CABP5: variants seen among roughly 807,000 people sequenced by gnomAD.
CABP5 encodes the protein calcium-binding protein 5.
A neutral mutation model predicts 21.9 loss-of-function variants in CABP5; 17 were observed. The observed-to-expected ratio is 0.78, with a 90% CI of 0.53 to 1.17. CABP5 has a LOEUF of 1.17. Ranked by LOEUF, CABP5 falls within the 50% of genes most tolerant of loss-of-function variation. The pLI is 0.00. For synonymous variants in CABP5, 85 were observed against 79.4 expected (o/e 1.07, Z -0.37); for missense variants, 229 against 228.9 (o/e 1.00, Z 0.00).
chr19:48,033,144 G>A (rs1967362775), intron 5 of CABP5, among the ~76,000 whole-genome samples: 1 of 151,722 alleles, frequency 6.6e-6, no homozygotes, highest in Non-Finnish European at 1.5e-5. Flanking sequence ...TGGGATTACA[G>A]GCACCTGCCA....
rs1431495023 is a variant in CABP5, at chr19:48,029,826, G to GAC, written c.*730_*731insGT. 322 of 150,892 alleles carry GAC rather than the reference G, an allele frequency of 2.1e-3. 3 individuals carry two copies. Among genetic ancestry groups the GAC allele is most frequent in the African/African-American group, 7.6e-3 (311 of 40,762 alleles). 9.3% of individuals were successfully genotyped at this position (150,892 alleles called of 1,614,324 possible). A position where few individuals can be genotyped will look rare whatever the true frequency, so the allele number is the denominator to read the frequency against. ...AGAGAGAGAGAGAGAGAGAGAGAGAGAGAGAGAGAGAAACCAGACAGTGCT... is the reference window on the plus strand; with the variant it reads ...AGAGAGAGAGAGAGAGAGAGAGAGAGACAGAGAGAGAGAAACCAGACAGTGCT... On this transcript the variant is annotated 3_prime_UTR_variant, in exon 6 of 6. Coordinates refer to ENST00000293255, the MANE Select transcript of CABP5 (RefSeq NM_019855.5).
chr19:48,040,879 A>C, intron 2 of CABP5, 131 bp from the exon 3 acceptor site: 1 of 891,486 alleles, frequency 1.1e-6, no homozygotes, highest in South Asian at 1.9e-5. Context: ...AAAACAAAAC[A>C]AAACAAAAAA....
At position 48,032,927 on chromosome 19, in the gene CABP5, G is replaced by A. The variant is rs971012635; in HGVS notation, c.496+1288C>T. 3.9e-5 allele frequency among the ~76,000 whole-genome samples: 6 copies of A among 152,030 alleles called. No homozygotes were observed. In the South Asian group the frequency reaches 8.3e-4, roughly 21 times the overall value. On this transcript the variant is annotated intron_variant, in intron 5 of 5. Transcript: ENST00000293255. ...ATTACAGGCATGAGCCACTGAGCCC[G>A]GCCAGAATTTTGGATTTTTGTCCAT...
At chr19:48,039,708 T>G (rs1167306793) in intron 3 of CABP5, among the ~76,000 whole-genome samples, 4 of 118,546 alleles carry the variant, frequency 3.4e-5, no homozygotes, top group African/African-American at 1.3e-4. Context: ...AATAGCTTTT[T>G]TTTTTTTTTT....
Position 48,030,629 on chromosome 19 carries a change from G to T in CABP5, c.497-47C>A, listed in dbSNP as rs150989528. On this transcript the variant is annotated intron_variant, in intron 5 of 5. Coordinates refer to ENST00000293255, the MANE Select transcript of CABP5 (RefSeq NM_019855.5). ...CCCAGTAAGGCATCTCGTTGTAAAAGCCCCCAACATTATTTTTTGAGCCCT... is the reference window on the plus strand; with the variant it reads ...CCCAGTAAGGCATCTCGTTGTAAAATCCCCCAACATTATTTTTTGAGCCCT... 1.9e-5 allele frequency: 30 copies of T among 1,593,712 alleles called. No homozygotes were observed. The African/African-American group carries it at 3.7e-4, about 19-fold the overall frequency.
intron 1 of CABP5, among the ~76,000 whole-genome samples, chr19:48,042,437 G>A (rs1967492764): frequency 6.6e-6 from 1 of 152,104 alleles, no homozygotes; most frequent in Non-Finnish European, 1.5e-5. Flanking sequence ...CATATACATG[G>A]CATGTTAACA....
At chr19:48,042,267 A>G (rs1319209740) in intron 1 of CABP5, among the ~76,000 whole-genome samples, 3 of 152,142 alleles carry the variant, frequency 2.0e-5, no homozygotes, top group African/African-American at 7.2e-5. Flanking sequence ...CCTGCCTCCA[A>G]TCTTCCTGCC....
At chr19:48,043,760 G>A in intron 1 of CABP5, 100 bp downstream of exon 1, 1 of 1,014,622 alleles carries the variant, frequency 9.9e-7, no homozygotes, top group South Asian at 2.4e-5. Context: ...CTATCCACCT[G>A]TTCCCCTGGT....
chr19:48,039,161 G>A (rs777720863), intron 4 of CABP5, 47 bp downstream of exon 4: 1 of 1,434,644 alleles, frequency 7.0e-7, no homozygotes, highest in Non-Finnish European at 9.8e-7. Context: ...GCAGACCTCA[G>A]AGGGTCTGCC....
At chr19:48,042,736 G>A (rs1426108504) in intron 1 of CABP5, among the ~76,000 whole-genome samples, 1 of 151,484 alleles carries the variant, frequency 6.6e-6, no homozygotes, top group Non-Finnish European at 1.5e-5. Context: ...CACTGCACCC[G>A]GCTAATTTTT....
At chr19:48,040,864 GAAAC>G in intron 2 of CABP5, 116 bp from the exon 3 acceptor site, 2 of 835,080 alleles carry the variant, frequency 2.4e-6, no homozygotes, top group Non-Finnish European at 3.5e-6. Flanking sequence ...GCGTACATTA[GAAAC>G]AAAACAAAAC....
chr19:48,031,287 C>T (rs181687206), intron 5 of CABP5, among the ~76,000 whole-genome samples: 11 of 152,146 alleles, frequency 7.2e-5, no homozygotes, highest in African/African-American at 2.7e-4. Flanking sequence ...TAACTGTAAT[C>T]CCAGCACTTT....
rs3745747 is a variant in CABP5, at chr19:48,034,256, C to T, written c.455G>A (p.Arg152Gln). ...LTPREISEVV[R>Q]EADVNGDGTV... ...GCCGTCTCCATTAACATCAGCCTCC[C>T]GGACAACCTCAGAGATCTCCCGGGG... The change falls in exon 5 of 6, where the codon CGG becomes CAG. Residue 152 changes from arginine to glutamine, a missense_variant. Arg to Gln is a conservative substitution (Grantham distance 43). Transcript: ENST00000293255. 134 of 1,607,362 alleles carry T rather than the reference C, an allele frequency of 8.3e-5. No individual in the cohort carries two copies. Among genetic ancestry groups the T allele is most frequent in the Middle Eastern group, 6.6e-4 (4 of 6,056 alleles).
chr19:48,039,178 A>G, intron 4 of CABP5, 30 bp downstream of exon 4: 1 of 1,555,760 alleles, frequency 6.4e-7, no homozygotes, highest in East Asian at 2.2e-5. Flanking sequence ...TGCCTCTACC[A>G]TCACCAGCAC....
chr19:48,041,882 G>T (rs1967486573), intron 1 of CABP5, among the ~76,000 whole-genome samples: 1 of 152,040 alleles, frequency 6.6e-6, no homozygotes, highest in Admixed American at 6.6e-5. Flanking sequence ...GTCAAAGGGG[G>T]TCTTAAACAC....
At chr19:48,041,360 G>A in intron 2 of CABP5, 1 of 579,692 alleles carries the variant, frequency 1.7e-6, no homozygotes, top group Non-Finnish European at 3.0e-6. Flanking sequence ...CCTGAGTCTT[G>A]GAGATACTTG....
chr19:48,039,169 G>A (rs1967448315), intron 4 of CABP5, 39 bp downstream of exon 4: 1 of 1,508,540 alleles, frequency 6.6e-7, no homozygotes. Flanking sequence ...CAGAGGGTCT[G>A]CCTCTACCAT....
At chr19:48,034,831 C>A (rs1967388595) in intron 4 of CABP5, among the ~76,000 whole-genome samples, 1 of 151,954 alleles carries the variant, frequency 6.6e-6, no homozygotes, top group Non-Finnish European at 1.5e-5. Flanking sequence ...CAGGCTTGAG[C>A]CACTGTGCCC....
intron 1 of CABP5, among the ~76,000 whole-genome samples, chr19:48,042,506 C>T (rs1057419307): frequency 1.3e-5 from 2 of 152,042 alleles, no homozygotes; most frequent in Non-Finnish European, 2.9e-5. Flanking sequence ...ATCCCTGGAG[C>T]CTTTCCCTCA....
Sources: allele counts gnomAD v4.1 joint callset (sites outside exome capture counted in the v4.1 genomes callset), GRCh38; gene constraint gnomAD v4.1.1; transcripts MANE v1.5; gene names NCBI Gene and HGNC (gene_info 2026-07-23, HGNC 2026-07-21).